The following LRCH1 variants were observed in gnomAD, a reference collection of about 807,000 sequenced individuals.
LRCH1 encodes the protein leucine rich repeats and calponin homology domain containing 1, also known as leucine-rich repeat and calponin homology domain-containing protein 1.
In LRCH1, 23 loss-of-function variants were observed where a neutral mutation model predicts 94.9. The observed-to-expected ratio is 0.24, with a 90% CI of 0.17 to 0.34. The LOEUF (loss-of-function observed/expected upper bound fraction) is 0.34. Among genes scored for constraint, LRCH1 ranks in the 10% least tolerant of loss-of-function variants. The pLI is 1.00. For missense variants in LRCH1, 790 were observed against 945.9 expected, an observed-to-expected ratio of 0.84 and a Z score of 2.16; for synonymous variants, 364 against 354.9, an observed-to-expected ratio of 1.03 and a Z score of -0.29.
chr13:46,674,029 A>G (rs1367712012), intron 3 of LRCH1, among the ~76,000 whole-genome samples: 1 of 152,118 alleles, frequency 6.6e-6, no homozygotes, highest in Non-Finnish European at 1.5e-5. Flanking sequence ...TGATCCACCC[A>G]CCTTGGCCTC....
At chr13:46,651,848 C>A (rs1173406231) in intron 2 of LRCH1, among the ~76,000 whole-genome samples, 1 of 148,792 alleles carries the variant, frequency 6.7e-6, no homozygotes, top group African/African-American at 2.5e-5. Flanking sequence ...CTACAGGCGC[C>A]GGCCACCAGG....
At chr13:46,563,536 G>A (rs529551674) in intron 1 of LRCH1, among the ~76,000 whole-genome samples, 1 of 152,312 alleles carries the variant, frequency 6.6e-6, no homozygotes, top group Admixed American at 6.5e-5. Flanking sequence ...GAGTTGTCAT[G>A]AGGACATTGG....
intron 1 of LRCH1, among the ~76,000 whole-genome samples, chr13:46,566,771 A>G (rs1306410863): frequency 2.0e-5 from 3 of 152,206 alleles, no homozygotes; most frequent in African/African-American, 7.2e-5. Flanking sequence ...TCGGGGTGAC[A>G]TAGAGATTTT....
At position 46,694,940 on chromosome 13, in the gene LRCH1, A is replaced by C. The variant is rs34554559; in HGVS notation, c.1168A>C (p.Ser390Arg). ...FQPEPSLLGD[S>R]TNSGEERDQF... ...ACCGGAGCCTTCCCTTTTGGGTGAC[A>C]GCACCAACTCAGGAGAAGAAAGAGA... The change falls in exon 9 of 20, where the codon AGC (serine) becomes CGC (arginine). Residue 390 changes from serine to arginine, a missense_variant. This residue lies in a region of LRCH1 where 460 missense variants were observed against 508.9 expected (regional missense o/e 0.90). Coordinates refer to ENST00000389797, the MANE Select transcript of LRCH1 (RefSeq NM_001164211.2). 2,785 of 1,614,176 alleles carry C rather than the reference A, an allele frequency of 1.7e-3. 33 individuals carry two copies. In the African/African-American group the frequency reaches 0.032, roughly 18 times the overall value.
At chr13:46,730,412 G>C (rs908148431) in intron 18 of LRCH1, among the ~76,000 whole-genome samples, 1 of 152,124 alleles carries the variant, frequency 6.6e-6, no homozygotes, top group Admixed American at 6.5e-5. Context: ...AGAGCCCAGT[G>C]TGTTGGACTG....
chr13:46,642,442 G>A (rs747047492), intron 1 of LRCH1, among the ~76,000 whole-genome samples: 1 of 152,174 alleles, frequency 6.6e-6, no homozygotes, highest in Non-Finnish European at 1.5e-5. Flanking sequence ...GTGCCTGCAC[G>A]TGATTGGGAA....
In LRCH1 at chr13:46,638,336, A is replaced by G. The variant is rs552008031; in HGVS notation, c.308-11865A>G. On this transcript the variant is annotated intron_variant, in intron 1 of 19. Coordinates refer to ENST00000389797, the MANE Select transcript of LRCH1 (RefSeq NM_001164211.2). ...CTTTTTTTGGATAAAACTTGTGGCAATAATTCCTCCTTTGACTTCTTCAGC... is the reference window on the plus strand; with the variant it reads ...CTTTTTTTGGATAAAACTTGTGGCAGTAATTCCTCCTTTGACTTCTTCAGC... Among the ~76,000 whole-genome samples the G allele has an allele frequency of 1.1e-4, 16 of 152,338 alleles. No individual in the cohort carries two copies. In the East Asian group the frequency reaches 1.7e-3, roughly 16 times the overall value.
chr13:46,600,520 A>G (rs2050615832), intron 1 of LRCH1, among the ~76,000 whole-genome samples: 1 of 152,030 alleles, frequency 6.6e-6, no homozygotes, highest in South Asian at 2.1e-4. Flanking sequence ...TCAAAACTGA[A>G]TTTACTGCTG....
chr13:46,629,722 G>A (rs2050996422), intron 1 of LRCH1, among the ~76,000 whole-genome samples: 1 of 152,210 alleles, frequency 6.6e-6, no homozygotes, highest in Non-Finnish European at 1.5e-5. Flanking sequence ...CAGCAATGCA[G>A]GTTGCTATTA....
intron 1 of LRCH1, among the ~76,000 whole-genome samples, chr13:46,582,575 C>G (rs2050382787): frequency 6.7e-6 from 1 of 148,326 alleles, no homozygotes; most frequent in African/African-American, 2.5e-5. Context: ...GCCTTGACCT[C>G]CCGGGCTCAG....
chr13:46,606,703 T>C (rs1300051038), intron 1 of LRCH1, among the ~76,000 whole-genome samples: 2 of 152,066 alleles, frequency 1.3e-5, no homozygotes, highest in African/African-American at 4.8e-5. Flanking sequence ...TCCTGAGTAG[T>C]TGGACTTACA....
intron 1 of LRCH1, among the ~76,000 whole-genome samples, chr13:46,620,545 A>C (rs139978907): frequency 9.2e-5 from 14 of 152,124 alleles, no homozygotes; most frequent in African/African-American, 3.4e-4. Flanking sequence ...TTCAAGGGAG[A>C]GTGTGTATTA....
chr13:46,711,954 T>G (rs1872087505), intron 14 of LRCH1, 110 bp downstream of exon 14: 1 of 787,026 alleles, frequency 1.3e-6, no homozygotes, highest in South Asian at 1.9e-5. Flanking sequence ...ATTAATTGAG[T>G]CTTTGGGGGA....
chr13:46,745,863 C>A (rs1208602122), downstream of LRCH1, among the ~76,000 whole-genome samples: 1 of 152,108 alleles, frequency 6.6e-6, no homozygotes, highest in African/African-American at 2.4e-5. Flanking sequence ...GGAGGAGAGT[C>A]AGGCAGTGAC....
chr13:46,686,816 G>A (rs1473415193), intron 5 of LRCH1, among the ~76,000 whole-genome samples: 2 of 152,046 alleles, frequency 1.3e-5, no homozygotes, highest in Admixed American at 6.5e-5. Context: ...GAGTGAATGT[G>A]AGAAACAATA....
At chr13:46,641,989 G>A (rs895622396) in intron 1 of LRCH1, among the ~76,000 whole-genome samples, 3 of 152,190 alleles carry the variant, frequency 2.0e-5, no homozygotes, top group Non-Finnish European at 2.9e-5. Context: ...CTGGGGTTCC[G>A]GTTTGCTGCC....
intron 7 of LRCH1, among the ~76,000 whole-genome samples, chr13:46,690,491 T>A (rs1001859310): frequency 6.6e-6 from 1 of 152,184 alleles, no homozygotes; most frequent in Non-Finnish European, 1.5e-5. Context: ...AACTCATTAA[T>A]AAAACATTAC....
chr13:46,638,793 T>A (rs1594306353), intron 1 of LRCH1, among the ~76,000 whole-genome samples: 1 of 152,256 alleles, frequency 6.6e-6, no homozygotes, highest in African/African-American at 2.4e-5. Context: ...AAGGCTTTTT[T>A]AAATAGGAGA....
intron 3 of LRCH1, among the ~76,000 whole-genome samples, chr13:46,675,966 A>G (rs1197888504): frequency 1.3e-5 from 2 of 152,322 alleles, no homozygotes; most frequent in East Asian, 3.9e-4. Flanking sequence ...AGTTTAAATG[A>G]ACATATTTTC....
Sources: gnomAD v4.1 joint callset for allele counts (sites outside exome capture counted in the v4.1 genomes callset) on GRCh38, gnomAD v4.1.1 for gene constraint, gnomAD v4.1.1 regional missense constraint, MANE v1.5 for transcripts, NCBI Gene and HGNC (gene_info 2026-07-23, HGNC 2026-07-21) for gene names.